The following FIGNL2 variants were observed in gnomAD, a reference collection of about 807,000 sequenced individuals.
The protein encoded by FIGNL2 is fidgetin like 2.
For synonymous variants in FIGNL2, 565 were observed against 484.0 expected, an observed-to-expected ratio of 1.17 and a Z score of -2.20; for missense variants, 1,060 against 950.2, an observed-to-expected ratio of 1.12 and a Z score of -1.52.
At chr12:51,825,584 C>T (rs11610386) in intron 1 of FIGNL2, among the ~76,000 whole-genome samples, 27,153 of 151,910 alleles carry the variant, frequency 0.18, 3,071 homozygotes, top group Non-Finnish European at 0.25. Flanking sequence ...CAGACCCTCT[C>T]GCCCTTCCAG....
intron 1 of FIGNL2, among the ~76,000 whole-genome samples, chr12:51,823,019 A>G: frequency 6.6e-6 from 1 of 152,212 alleles, no homozygotes. Flanking sequence ...GCCTGAGGTC[A>G]GAGATGCTGG....
intron 1 of FIGNL2, among the ~76,000 whole-genome samples, chr12:51,827,268 A>C (rs1188723594): frequency 6.6e-6 from 1 of 152,260 alleles, no homozygotes; most frequent in Non-Finnish European, 1.5e-5. Flanking sequence ...CCCTGAGGAC[A>C]TGGGGGAAAG....
At chr12:51,826,593 C>T (rs978395850) in intron 1 of FIGNL2, among the ~76,000 whole-genome samples, 4 of 142,502 alleles carry the variant, frequency 2.8e-5, no homozygotes, top group African/African-American at 1.1e-4. Flanking sequence ...GAGCCAAGAT[C>T]GCGCCATTGC....
chr12:51,827,755 C>T (rs545928174), intron 1 of FIGNL2, among the ~76,000 whole-genome samples: 25 of 152,312 alleles, frequency 1.6e-4, no homozygotes, highest in African/African-American at 5.8e-4. Context: ...TCTAATATGA[C>T]GGGCCAGTAG....
At chr12:51,847,440 G>C in intron 1 of FIGNL2, 4 of 985,464 alleles carry the variant, frequency 4.1e-6, no homozygotes, top group Non-Finnish European at 4.8e-6. Context: ...CAGCCCGTGC[G>C]GACAACACAA....
chr12:51,821,484 C>G lies in FIGNL2; in HGVS notation c.930G>C (p.Arg310=). The G allele has an allele frequency of 6.4e-7, 1 of 1,553,382 alleles. No homozygotes were observed. Among genetic ancestry groups the G allele is most frequent in the Non-Finnish European group, 8.6e-7 (1 of 1,156,098 alleles). Residue 310 remains arginine (R), a synonymous_variant, in exon 2 of 2, where the codon CGG becomes CGC. Coordinates refer to ENST00000618634, the MANE Select transcript of FIGNL2 (RefSeq NM_001384995.1). ...CCTCCGCGGCTCCTGGCGGCTTGGC[C>G]CGGAACCCGTTGCCCCGACATTCGC... ...DNGECRGNGF[R]AKPPGAAEEA...
chr12:51,847,917 A>T (rs900223903), intron 1 of FIGNL2: 55 of 839,816 alleles, frequency 6.5e-5, no homozygotes, highest in Non-Finnish European at 6.7e-5. Context: ...AGCCTCCTAC[A>T]ACCCCCTGAC....
Position 51,820,729 on chromosome 12 carries a change from G to A in FIGNL2, c.1685C>T (p.Ala562Val). 2 of 1,481,110 alleles carry A rather than the reference G, an allele frequency of 1.4e-6. No homozygotes were observed. Among genetic ancestry groups the A allele is most frequent in the East Asian group, 5.8e-5 (2 of 34,546 alleles). 91.7% of individuals were successfully genotyped at this position (1,481,110 alleles called of 1,614,324 possible). A position where few individuals can be genotyped will look rare whatever the true frequency, so the allele number is the denominator to read the frequency against. ...CGCCCGCTGCAGGATCTGCCCGCGG[G>A]CCGGGCTGTCGGGCAGCGCCACGTA... ...RFYVALPDSP[A>V]RGQILQRALA... Residue 562 changes from alanine to valine, a missense_variant, in exon 2 of 2, where the codon GCC (alanine) becomes GTC (valine). Ala to Val is a moderately conservative substitution (Grantham distance 64). Transcript: ENST00000618634.
At chr12:51,840,728 C>T (rs1388234523) in intron 1 of FIGNL2, among the ~76,000 whole-genome samples, 2 of 152,180 alleles carry the variant, frequency 1.3e-5, no homozygotes, top group African/African-American at 4.8e-5. Flanking sequence ...GAGCAAAACT[C>T]CATCTCAAAC....
intron 1 of FIGNL2, among the ~76,000 whole-genome samples, chr12:51,844,276 C>T (rs1939708031): frequency 6.6e-6 from 1 of 152,138 alleles, no homozygotes; most frequent in African/African-American, 2.4e-5. Flanking sequence ...GGGGTTGGGG[C>T]TACAGAGGCA....
rs1404038636 is a variant in FIGNL2, at chr12:51,837,318, G to T, written c.-12+11222C>A. Among the ~76,000 whole-genome samples the T allele has an allele frequency of 2.0e-5, 3 of 152,140 alleles. No individual in the cohort carries two copies. The East Asian group carries it at 5.8e-4, about 29-fold the overall frequency. ...TCCTGCTCTCAAAGAAGGTCCGGGG[G>T]AGCTGGGAACTGGACATAGGACGCA... On this transcript the variant is annotated intron_variant, in intron 1 of 1. Coordinates refer to ENST00000618634, the MANE Select transcript of FIGNL2 (RefSeq NM_001384995.1).
At chr12:51,823,957 G>A (rs1939279652) in intron 1 of FIGNL2, among the ~76,000 whole-genome samples, 1 of 152,112 alleles carries the variant, frequency 6.6e-6, no homozygotes, top group Admixed American at 6.5e-5. Context: ...TGCCTTTGCT[G>A]GACCATGAAA....
At chr12:51,829,392 G>A (rs920505143) in intron 1 of FIGNL2, among the ~76,000 whole-genome samples, 1 of 152,194 alleles carries the variant, frequency 6.6e-6, no homozygotes, top group Non-Finnish European at 1.5e-5. Context: ...CAACAGGAGA[G>A]GAGAGGGAGG....
chr12:51,833,506 C>T (rs963626978), intron 1 of FIGNL2, among the ~76,000 whole-genome samples: 16 of 152,340 alleles, frequency 1.1e-4, no homozygotes, highest in African/African-American at 3.4e-4. Context: ...AAAGTCCTCT[C>T]ATTGGCATAC....
Position 51,822,219 on chromosome 12 carries a change from C to A in FIGNL2, c.195G>T (p.Glu65Asp). Residue 65 changes from glutamate (E) to aspartate (D), a missense_variant, in exon 2 of 2, where the codon GAG becomes GAT. Glu to Asp is a conservative substitution (Grantham distance 45). Coordinates refer to ENST00000618634, the MANE Select transcript of FIGNL2 (RefSeq NM_001384995.1). ...TASNLLKRYA[E>D]KYSGVLDSPY... is the part of the protein sequence containing the mutation. Reference sequence around the variant, plus strand: ...GAGAATCCAAGACCCCAGAGTACTTCTCTGCATAGCGCTTTAGGAGGTTGG... The same window carrying A: ...GAGAATCCAAGACCCCAGAGTACTTATCTGCATAGCGCTTTAGGAGGTTGG... 1 of 1,611,666 alleles carries A rather than the reference C, an allele frequency of 6.2e-7. No homozygotes were observed. Among genetic ancestry groups the A allele is most frequent in the Non-Finnish European group, 8.5e-7 (1 of 1,179,004 alleles).
At chr12:51,822,613 T>C (rs1386395383) in intron 1 of FIGNL2, among the ~76,000 whole-genome samples, 189 bp from the exon 2 acceptor site, 1 of 152,144 alleles carries the variant, frequency 6.6e-6, no homozygotes, top group Non-Finnish European at 1.5e-5. Context: ...GTCCCAGGAT[T>C]AAAGTTGTCT....
intron 1 of FIGNL2, chr12:51,847,671 G>A: frequency 1.0e-6 from 1 of 985,422 alleles, no homozygotes; most frequent in Non-Finnish European, 1.2e-6. Flanking sequence ...TCCTCTGGCG[G>A]GGGCAGGGGG....
rs749985378 is a variant in FIGNL2, at chr12:51,820,506, G to A, written c.1908C>T (p.Ala636=). Residue 636 remains alanine (A), a synonymous_variant, in exon 2 of 2, where the codon GCC becomes GCT. Transcript: ENST00000618634. Reference sequence around the variant, plus strand: ...ACTCCACGAACGAGTCCAGTTCCTTGGCAGAGGCCCTAGGGCCCACCTTGG... The same window carrying A: ...ACTCCACGAACGAGTCCAGTTCCTTAGCAGAGGCCCTAGGGCCCACCTTGG... ...ALAKVGPRAS[A]KELDSFVEWD... is the part of the protein sequence containing the mutation. 5.7e-6 allele frequency: 9 copies of A among 1,582,516 alleles called. No individual in the cohort carries two copies. Among genetic ancestry groups the A allele is most frequent in the South Asian group, 3.4e-5 (3 of 87,790 alleles).
Position 51,820,956 on chromosome 12 carries a change from G to T in FIGNL2, c.1458C>A (p.Ser486=). Residue 486 remains serine (S), a synonymous_variant, in exon 2 of 2, where the codon TCC becomes TCA. Transcript: ENST00000618634. ...AFAAARCRPP[S]VLLISELEAL... The stretch of plus-strand genomic sequence containing the variant: ...CCTCTAGCTCGCTGATGAGGAGTAC[G>T]GAGGGTGGGCGGCAGCGCGCGGCCG... The T allele has an allele frequency of 4.0e-6, 5 of 1,244,272 alleles. No individual in the cohort carries two copies. The highest frequency in any genetic ancestry group is 3.1e-4 in the Middle Eastern group (1 of 3,180). The allele number at this position is 1,244,272 out of a possible 1,614,324, so 77.1% of individuals were successfully genotyped here. A position where few individuals can be genotyped will look rare whatever the true frequency, so the allele number is the denominator to read the frequency against.
Sources: gnomAD v4.1 joint callset for allele counts (sites outside exome capture counted in the v4.1 genomes callset) on GRCh38, gnomAD v4.1.1 for gene constraint, MANE v1.5 for transcripts, NCBI Gene and HGNC (gene_info 2026-07-23, HGNC 2026-07-21) for gene names.